TATDN1: variants seen among roughly 807,000 people sequenced by gnomAD.
TATDN1 encodes deoxyribonuclease TATDN1.
In TATDN1, 40 loss-of-function variants were observed where a neutral mutation model predicts 46.4. The observed-to-expected ratio is 0.86, with a 90% CI of 0.67 to 1.12. The LOEUF is 1.12. Ranked by LOEUF, TATDN1 falls within the 50% of genes most tolerant of loss-of-function variation. The probability of loss-of-function intolerance (pLI) is 0.00; values close to 1 mark genes in which losing one functional copy is unlikely to be tolerated. For missense variants in TATDN1, 326 were observed against 348.4 expected, an observed-to-expected ratio of 0.94 and a Z score of 0.51; for synonymous variants, 95 against 105.6, an observed-to-expected ratio of 0.90 and a Z score of 0.62.
Position 124,493,969 on chromosome 8 carries a change from CAAAG to C in TATDN1, c.665-14_665-11del, listed in dbSNP as rs768098380. On this transcript the variant is annotated splice_polypyrimidine_tract_variant and intron_variant, in intron 10 of 11. Coordinates refer to ENST00000276692, the MANE Select transcript of TATDN1 (RefSeq NM_032026.4). Reference sequence around the variant, plus strand: ...CCACACCAAGGTGCATCTAGTTAAGCAAAGAAAGTGTCTCGTAAGGGGTTTACAT... The same window carrying C: ...CCACACCAAGGTGCATCTAGTTAAGCAAAGTGTCTCGTAAGGGGTTTACAT... 3 of 1,598,424 alleles carry C rather than the reference CAAAG, an allele frequency of 1.9e-6. No individual in the cohort carries two copies. The highest frequency in any genetic ancestry group is 2.7e-5 in the African/African-American group (2 of 74,030).
chr8:124,502,295 C>T lies in TATDN1; in HGVS notation c.593+1976G>A, dbSNP rs1438097720. On this transcript the variant is annotated intron_variant, in intron 9 of 11. Coordinates refer to ENST00000276692, the MANE Select transcript of TATDN1 (RefSeq NM_032026.4). ...GGCGGAGCCTGCAGTGAGCCAAGATCGCGCCACTGCACTCCAGCCTGGGCG... is the reference window on the plus strand; with the variant it reads ...GGCGGAGCCTGCAGTGAGCCAAGATTGCGCCACTGCACTCCAGCCTGGGCG... 3.3e-5 allele frequency among the ~76,000 whole-genome samples: 5 copies of T among 149,884 alleles called. No individual in the cohort carries two copies. The East Asian group carries it at 7.9e-4, about 24-fold the overall frequency.
chr8:124,520,749 T>C (rs1004836536), intron 3 of TATDN1, among the ~76,000 whole-genome samples: 1 of 151,926 alleles, frequency 6.6e-6, no homozygotes, highest in South Asian at 2.1e-4. Context: ...GAGACCATCC[T>C]GGCCAACGTG....
At chr8:124,525,472 G>A (rs1023427478) in intron 1 of TATDN1, among the ~76,000 whole-genome samples, 4 of 151,990 alleles carry the variant, frequency 2.6e-5, no homozygotes, top group Admixed American at 1.3e-4. Context: ...TTGTACCCTC[G>A]CACTGCTGGC....
chr8:124,522,418 T>C (rs1215080970), intron 2 of TATDN1, among the ~76,000 whole-genome samples: 2 of 152,210 alleles, frequency 1.3e-5, no homozygotes, highest in African/African-American at 4.8e-5. Flanking sequence ...AAATGCATAA[T>C]GAGTTCTTTT....
At chr8:124,523,584 A>G (rs1339080737) in intron 1 of TATDN1, 3 of 152,282 alleles carry the variant, frequency 2.0e-5, no homozygotes, top group African/African-American at 7.2e-5. Context: ...TAAAAATAAC[A>G]ACACAACAAT....
At chr8:124,527,080 T>C (rs966659277) in intron 1 of TATDN1, among the ~76,000 whole-genome samples, 1 of 152,210 alleles carries the variant, frequency 6.6e-6, no homozygotes, top group African/African-American at 2.4e-5. Context: ...AGCAGAGCCT[T>C]TGGCTGAGAA....
intron 11 of TATDN1, chr8:124,489,749 T>A (rs1487771802): frequency 2.6e-5 from 4 of 152,204 alleles, no homozygotes; most frequent in African/African-American, 9.7e-5. Context: ...GTAATGATGA[T>A]CCGTAGTGTC....
intron 4 of TATDN1, 27 bp downstream of exon 4, chr8:124,518,791 T>C: frequency 6.4e-7 from 1 of 1,567,092 alleles, no homozygotes; most frequent in Non-Finnish European, 8.8e-7. Flanking sequence ...ATTCATTTTT[T>C]TTTTGGTAAA....
intron 1 of TATDN1, among the ~76,000 whole-genome samples, chr8:124,526,008 T>C (rs1191694867): frequency 1.3e-5 from 2 of 152,234 alleles, no homozygotes; most frequent in African/African-American, 4.8e-5. Context: ...CCCTTTGAGC[T>C]ACATAATTAC....
chr8:124,495,534 T>C lies in TATDN1; in HGVS notation c.602A>G (p.Lys201Arg). The C allele has an allele frequency of 6.2e-7, 1 of 1,600,174 alleles. No homozygotes were observed. ...LYIGFNGCSL[K>R]TEANLEVLKS... is the part of the protein sequence containing the mutation. ...CAAAACTTCCAAATTAGCTTCAGTT[T>C]TCAGTGAGCTTAAAAAAAAGTGTAT... is the stretch of plus-strand genomic sequence containing the variant. The change falls in exon 10 of 12, where the codon AAA becomes AGA. Residue 201 changes from lysine to arginine, a missense_variant. Coordinates refer to ENST00000276692, the MANE Select transcript of TATDN1 (RefSeq NM_032026.4).
intron 1 of TATDN1, among the ~76,000 whole-genome samples, chr8:124,532,634 T>C (rs1434202654): frequency 6.6e-6 from 1 of 152,222 alleles, no homozygotes; most frequent in African/African-American, 2.4e-5. Context: ...ATCCTCTTTG[T>C]TTCTAGAGCA....
chr8:124,491,842 C>T (rs1337964105), intron 11 of TATDN1, among the ~76,000 whole-genome samples: 1 of 152,186 alleles, frequency 6.6e-6, no homozygotes, highest in Non-Finnish European at 1.5e-5. Flanking sequence ...AACTTGCCAA[C>T]TCATAATTAG....
chr8:124,504,957 G>A (rs567521952), intron 8 of TATDN1, among the ~76,000 whole-genome samples: 115 of 149,534 alleles, frequency 7.7e-4, no homozygotes, highest in African/African-American at 2.8e-3. Context: ...GTTTCTCCAT[G>A]TTGGTCAGGC....
At position 124,516,001 on chromosome 8, in the gene TATDN1, G is replaced by A. The variant is rs775488448; in HGVS notation, c.232C>T (p.Pro78Ser). 6.2e-7 allele frequency: 1 copy of A among 1,613,404 alleles called. No homozygotes were observed. The highest frequency in any genetic ancestry group is 2.2e-5 in the East Asian group (1 of 44,832). ...GMFFSTVGCH[P>S]TRCGEFEKNN... ...TTTTCAAATTCACCACATCTTGTAG[G>A]ATGACATCCAACTGTACTGAAAAAC... is the stretch of plus-strand genomic sequence containing the variant. The change falls in exon 5 of 12, where the codon CCT becomes TCT. Residue 78 changes from proline (P) to serine (S), a missense_variant. Transcript: ENST00000276692.
intron 9 of TATDN1, among the ~76,000 whole-genome samples, chr8:124,497,517 C>A (rs1408393471): frequency 6.6e-6 from 1 of 152,108 alleles, no homozygotes; most frequent in Non-Finnish European, 1.5e-5. Flanking sequence ...GAACTTCTTA[C>A]CTCAGGCGAT....
Position 124,505,297 on chromosome 8 carries a change from T to C in TATDN1, c.517-950A>G, listed in dbSNP as rs1586594698. 2.0e-5 allele frequency among the ~76,000 whole-genome samples: 3 copies of C among 151,690 alleles called. No homozygotes were observed. In the East Asian group the frequency reaches 6.0e-4, roughly 31 times the overall value. ...TACTCGGGAGGCTGAGGCAGGAGAA[T>C]TGCTTGAACCTGGAAGGCGGAGGTT... On this transcript the variant is annotated intron_variant, in intron 8 of 11. Transcript: ENST00000276692.
At chr8:124,521,650 G>A (rs1820059358) in intron 3 of TATDN1, 1 of 152,730 alleles carries the variant, frequency 6.5e-6, no homozygotes, top group African/African-American at 2.4e-5. Flanking sequence ...CTAGCTCTCT[G>A]TTTTAAAGCT....
chr8:124,503,996 T>C lies in TATDN1; in HGVS notation c.593+275A>G, dbSNP rs76350429. 237,033 of 1,257,070 alleles carry C rather than the reference T, an allele frequency of 0.19. 24,223 individuals carry two copies. Among genetic ancestry groups the C allele is most frequent in the Admixed American group, 0.27 (11,958 of 44,144 alleles). 77.9% of individuals were successfully genotyped at this position (1,257,070 alleles called of 1,614,324 possible). On this transcript the variant is annotated intron_variant, in intron 9 of 11. Transcript: ENST00000276692. ...AGGGATCAAATGACCTGAGAATAAA[T>C]TGGATTACCAGAGAAAGCCAGCTGC...
chr8:124,489,448 CTG>C (rs1816745464), intron 11 of TATDN1: 1 of 146,186 alleles, frequency 6.8e-6, no homozygotes, highest in Non-Finnish European at 1.5e-5. Context: ...GCGTCTTACT[CTG>C]TTGCTCAGGC....
Sources: allele counts gnomAD v4.1 joint callset (sites outside exome capture counted in the v4.1 genomes callset), GRCh38; gene constraint gnomAD v4.1.1; transcripts MANE v1.5; gene names NCBI Gene and HGNC (gene_info 2026-07-23, HGNC 2026-07-21).